ERP27: variants seen among roughly 807,000 people sequenced by gnomAD.
ERP27 encodes endoplasmic reticulum protein 27.
Under a neutral mutation model 27.7 loss-of-function variants are expected in ERP27, and 23 were observed. The ratio of observed to expected loss-of-function variants is 0.83; its 90% CI spans 0.60 to 1.18. The LOEUF is 1.18. Ranked by LOEUF, ERP27 falls within the 50% of genes most tolerant of loss-of-function variation. The pLI is 0.00. For synonymous variants in ERP27, 159 were observed against 118.3 expected, an observed-to-expected ratio of 1.34 and a Z score of -2.23; for missense variants, 363 against 327.9, an observed-to-expected ratio of 1.11 and a Z score of -0.83.
intron 3 of ERP27, 31 bp downstream of exon 3, chr12:14,934,825 G>T (rs1343748430): frequency 6.2e-7 from 1 of 1,613,040 alleles, no homozygotes; most frequent in African/African-American, 1.3e-5. Flanking sequence ...TGAAAATCTG[G>T]GAGAAAGCTC....
At chr12:14,930,799 T>C (rs2120608877) in intron 3 of ERP27, among the ~76,000 whole-genome samples, 1 of 152,360 alleles carries the variant, frequency 6.6e-6, no homozygotes, top group East Asian at 1.9e-4. Context: ...AGTTAATCAT[T>C]ATTTCAGCTT....
rs750947348 is a variant in ERP27, at chr12:14,938,214, G to A, written c.95-162C>T. Among the ~76,000 whole-genome samples, 10 of 152,140 alleles carry A rather than the reference G, an allele frequency of 6.6e-5. 1 individual carries two copies. Among genetic ancestry groups the A allele is most frequent in the Non-Finnish European group, 1.2e-4 (8 of 68,012 alleles). On this transcript the variant is annotated intron_variant, in intron 1 of 6. Coordinates refer to ENST00000266397, the MANE Select transcript of ERP27 (RefSeq NM_152321.4). ...GGCATAATATTTTTACTAACATATG[G>A]AAGGTGACCCTACTGATGGTCTGTC...
intron 4 of ERP27, among the ~76,000 whole-genome samples, chr12:14,920,552 G>A (rs1476881322): frequency 6.6e-6 from 1 of 151,956 alleles, no homozygotes; most frequent in Non-Finnish European, 1.5e-5. Flanking sequence ...AAAAGTTTTT[G>A]GTAGAGACAA....
At position 14,915,651 on chromosome 12, in the gene ERP27, T is replaced by A; in HGVS notation, c.612A>T (p.Glu204Asp). The change falls in exon 6 of 7, where the codon GAA (glutamate) becomes GAT (aspartate). Residue 204 changes from glutamate to aspartate, a missense_variant. Physicochemically the swap from Glu to Asp is conservative, Grantham distance 45 (BLOSUM62 2). Coordinates refer to ENST00000266397, the MANE Select transcript of ERP27 (RefSeq NM_152321.4). ...LFILVDSGMK[E>D]NGKVISFFKL... is the part of the protein sequence containing the mutation. ...TGAAAAATGATATCACCTTCCCATT[T>A]TCTTTCATACCACTGTCCACCAGAA... is the stretch of plus-strand genomic sequence containing the variant. 3 of 1,614,204 alleles carry A rather than the reference T, an allele frequency of 1.9e-6. No homozygotes were observed. The highest frequency in any genetic ancestry group is 2.5e-6 in the Non-Finnish European group (3 of 1,180,018).
At chr12:14,920,904 G>A in intron 4 of ERP27, 28 bp downstream of exon 4, 1 of 1,576,128 alleles carries the variant, frequency 6.3e-7, no homozygotes, top group Non-Finnish European at 8.7e-7. Context: ...AGGGTCTGAA[G>A]GGACTAAGAA....
At chr12:14,926,629 A>G (rs1203966423) in intron 3 of ERP27, among the ~76,000 whole-genome samples, 1 of 152,140 alleles carries the variant, frequency 6.6e-6, no homozygotes, top group Non-Finnish European at 1.5e-5. Context: ...ACATTATACA[A>G]CATGCATTTT....
chr12:14,915,895 A>C, intron 5 of ERP27: 2 of 531,598 alleles, frequency 3.8e-6, no homozygotes, highest in Admixed American at 6.9e-5. Context: ...GGAGGCTATT[A>C]TCCTTAGCAA....
chr12:14,919,084 G>A (rs1371769175), intron 4 of ERP27, among the ~76,000 whole-genome samples: 1 of 152,196 alleles, frequency 6.6e-6, no homozygotes, highest in Non-Finnish European at 1.5e-5. Flanking sequence ...TGCGTGGCAG[G>A]TCAGGTGCAT....
intron 4 of ERP27, among the ~76,000 whole-genome samples, chr12:14,919,600 C>A (rs1160170247): frequency 6.6e-6 from 1 of 152,112 alleles, no homozygotes; most frequent in Admixed American, 6.5e-5. Context: ...AGATTTTAGT[C>A]CACAAGAAAA....
Position 14,914,499 on chromosome 12 carries a change from A to T in ERP27, c.*236T>A. The T allele has an allele frequency of 1.9e-6, 1 of 515,608 alleles. No homozygotes were observed. The highest frequency in any genetic ancestry group is 3.4e-6 in the Non-Finnish European group (1 of 292,732). 31.9% of individuals were successfully genotyped at this position (515,608 alleles called of 1,614,324 possible). On this transcript the variant is annotated 3_prime_UTR_variant, in exon 7 of 7. Transcript: ENST00000266397. ...GAAGGAAATTGGATAGGGAGTGAGG[A>T]TATGAAATTTAAAAGAAGGAAGAAG...
chr12:14,920,307 C>A lies in ERP27; in HGVS notation c.450+625G>T, dbSNP rs552222377. On this transcript the variant is annotated intron_variant, in intron 4 of 6. Coordinates refer to ENST00000266397, the MANE Select transcript of ERP27 (RefSeq NM_152321.4). ...GGCTGAGGCATGGTGAGGGTGTAGG[C>A]ACTTGCTAGTCAAAGCATGGTTTGC... Among the ~76,000 whole-genome samples, 214 of 152,238 alleles carry A rather than the reference C, an allele frequency of 1.4e-3. 1 individual carries two copies. Among genetic ancestry groups the A allele is most frequent in the African/African-American group, 4.9e-3 (205 of 41,546 alleles).
chr12:14,934,482 T>G (rs1304197021), intron 3 of ERP27, among the ~76,000 whole-genome samples: 1 of 152,190 alleles, frequency 6.6e-6, no homozygotes, highest in Non-Finnish European at 1.5e-5. Context: ...ATAAATGAAC[T>G]CCTCAAAATA....
chr12:14,937,212 G>A (rs1054864976), intron 2 of ERP27, among the ~76,000 whole-genome samples: 1 of 152,136 alleles, frequency 6.6e-6, no homozygotes, highest in East Asian at 1.9e-4. Context: ...AACTGTGTAC[G>A]CAGAACTGAC....
intron 5 of ERP27, among the ~76,000 whole-genome samples, chr12:14,916,150 A>AC (rs1418685911): frequency 2.6e-5 from 4 of 152,204 alleles, no homozygotes; most frequent in Non-Finnish European, 4.4e-5. Flanking sequence ...ATAAGCCTTC[A>AC]CATGTACCCC....
At chr12:14,935,093 A>T in intron 2 of ERP27, 100 bp from the exon 3 acceptor site, 6 of 1,507,562 alleles carry the variant, frequency 4.0e-6, no homozygotes, top group Non-Finnish European at 4.4e-6. Context: ...CAGAAATCAT[A>T]GATTTGATTT....
At chr12:14,921,155 C>T in intron 3 of ERP27, 107 bp from the exon 4 acceptor site, 1 of 867,492 alleles carries the variant, frequency 1.2e-6, no homozygotes, top group Non-Finnish European at 1.8e-6. Context: ...CTCTGAAGAC[C>T]AAAAGATAAG....
chr12:14,924,162 A>G (rs1056319620), intron 3 of ERP27, among the ~76,000 whole-genome samples: 2 of 152,194 alleles, frequency 1.3e-5, no homozygotes, highest in Non-Finnish European at 2.9e-5. Flanking sequence ...TTCACTTAAC[A>G]TAATGTCCTC....
In ERP27 at chr12:14,937,961, G is replaced by A. The variant is rs568564729; in HGVS notation, c.186C>T (p.Gly62=). 1 of 1,613,904 alleles carries A rather than the reference G, an allele frequency of 6.2e-7. No individual in the cohort carries two copies. Among genetic ancestry groups the A allele is most frequent in the East Asian group, 2.2e-5 (1 of 44,876 alleles). The change falls in exon 2 of 7, where the codon GGC becomes GGT. Residue 62 remains glycine, a synonymous_variant. Coordinates refer to ENST00000266397, the MANE Select transcript of ERP27 (RefSeq NM_152321.4). ...FIAATEVAVI[G]FFQDLEIPAV... ...CAAGTAGGGAACTAACCTGGAAGAA[G>A]CCTATGACAGCCACCTCAGTGGCAG...
intron 3 of ERP27, 66 bp downstream of exon 3, chr12:14,934,790 A>G (rs1863749973): frequency 6.3e-7 from 1 of 1,589,942 alleles, no homozygotes; most frequent in Non-Finnish European, 8.6e-7. Flanking sequence ...TTCCAGTCTC[A>G]CAAGTTTATG....
Sources: gnomAD v4.1 joint callset for allele counts (sites outside exome capture counted in the v4.1 genomes callset) on GRCh38, gnomAD v4.1.1 for gene constraint, MANE v1.5 for transcripts, NCBI Gene and HGNC (gene_info 2026-07-23, HGNC 2026-07-21) for gene names.